The following PDE10A variants were observed in gnomAD, a reference collection of about 807,000 sequenced individuals.
The protein encoded by PDE10A is cAMP and cAMP-inhibited cGMP 3',5'-cyclic phosphodiesterase 10A.
Under a neutral mutation model 97.7 loss-of-function variants are expected in PDE10A, and 39 were observed. The observed-to-expected ratio is 0.40, with a 90% CI of 0.31 to 0.52. The LOEUF is 0.52. Ranked by LOEUF, PDE10A falls within the 20% of genes least tolerant of loss-of-function variation. PDE10A has a pLI of 0.56. For synonymous variants in PDE10A, 371 were observed against 376.8 expected, an observed-to-expected ratio of 0.98 and a Z score of 0.18; for missense variants, 731 against 1,047.8, an observed-to-expected ratio of 0.70 and a Z score of 4.17.
intron 1 of PDE10A, among the ~76,000 whole-genome samples, chr6:165,831,571 G>A (rs1178189203): frequency 2.0e-5 from 3 of 146,512 alleles, no homozygotes; most frequent in South Asian, 4.7e-4. Context: ...TCTGCCTCCC[G>A]GGTTCACGCC....
chr6:165,750,934 G>C (rs1792984212), intron 1 of PDE10A, among the ~76,000 whole-genome samples: 1 of 152,168 alleles, frequency 6.6e-6, no homozygotes, highest in South Asian at 2.1e-4. Context: ...GGCAGGAGCG[G>C]GATGCTGAGA....
chr6:165,499,599 C>T (rs1239342964), intron 2 of PDE10A, among the ~76,000 whole-genome samples: 1 of 152,108 alleles, frequency 6.6e-6, no homozygotes, highest in African/African-American at 2.4e-5. Flanking sequence ...CAGCTTATGG[C>T]AATGATCAAT....
At chr6:165,645,064 C>T (rs1481641365) in intron 1 of PDE10A, among the ~76,000 whole-genome samples, 5 of 152,258 alleles carry the variant, frequency 3.3e-5, no homozygotes, top group African/African-American at 1.2e-4. Context: ...GTTTCTGCCA[C>T]AGCAGTGGTG....
At chr6:165,712,387 C>G (rs755692595) in intron 1 of PDE10A, among the ~76,000 whole-genome samples, 4 of 152,122 alleles carry the variant, frequency 2.6e-5, no homozygotes, top group Admixed American at 6.5e-5. Context: ...CTGTGGGGCT[C>G]GTCTGAGACT....
intron 1 of PDE10A, among the ~76,000 whole-genome samples, chr6:165,785,198 C>T (rs1408172235): frequency 6.6e-6 from 1 of 152,228 alleles, no homozygotes; most frequent in African/African-American, 2.4e-5. Context: ...GTCCTTGCCT[C>T]CTGGTGTTGC....
At chr6:165,596,245 C>T (rs919408913) in intron 1 of PDE10A, among the ~76,000 whole-genome samples, 5 of 152,112 alleles carry the variant, frequency 3.3e-5, no homozygotes, top group Non-Finnish European at 5.9e-5. Flanking sequence ...AAAAAGTATC[C>T]GCAATCCTTT....
intron 1 of PDE10A, among the ~76,000 whole-genome samples, chr6:165,957,990 A>G (rs1355663307): frequency 6.6e-6 from 1 of 152,178 alleles, no homozygotes; most frequent in African/African-American, 2.4e-5. Context: ...AGTGGGTTTG[A>G]TCTCAAGCAT....
intron 1 of PDE10A, among the ~76,000 whole-genome samples, chr6:165,619,865 T>C (rs889269518): frequency 6.6e-6 from 1 of 152,168 alleles, no homozygotes; most frequent in African/African-American, 2.4e-5. Flanking sequence ...GACAAGCTGC[T>C]TCCACTTGCT....
chr6:165,935,545 A>T (rs1052888380), intron 1 of PDE10A, among the ~76,000 whole-genome samples: 1 of 152,226 alleles, frequency 6.6e-6, no homozygotes, highest in Non-Finnish European at 1.5e-5. Flanking sequence ...GCAAGAAATG[A>T]TTCTGGACTA....
chr6:165,878,310 C>A (rs933883575), intron 1 of PDE10A, among the ~76,000 whole-genome samples: 1 of 152,176 alleles, frequency 6.6e-6, no homozygotes, highest in South Asian at 2.1e-4. Flanking sequence ...CATGCATGGT[C>A]ATTAGATTTA....
At chr6:165,752,956 A>T (rs913404794) in intron 1 of PDE10A, among the ~76,000 whole-genome samples, 1 of 151,884 alleles carries the variant, frequency 6.6e-6, no homozygotes, top group Non-Finnish European at 1.5e-5. Flanking sequence ...CTGGTGGGAA[A>T]CTCATTACCA....
chr6:165,693,748 C>G (rs754472391), intron 1 of PDE10A, among the ~76,000 whole-genome samples: 2 of 152,076 alleles, frequency 1.3e-5, no homozygotes, highest in Admixed American at 1.3e-4. Flanking sequence ...CTTCCCATAT[C>G]TTGGCACCAG....
intron 18 of PDE10A, among the ~76,000 whole-genome samples, chr6:165,359,373 T>C (rs1457151554): frequency 6.6e-6 from 1 of 152,180 alleles, no homozygotes; most frequent in Non-Finnish European, 1.5e-5. Flanking sequence ...CTAATGGACA[T>C]AGGATTTGGA....
chr6:165,474,545 G>A (rs1779187582), intron 3 of PDE10A, among the ~76,000 whole-genome samples: 1 of 152,020 alleles, frequency 6.6e-6, no homozygotes. Context: ...CGAGTATTAT[G>A]CTTATTACTG....
At chr6:165,624,160 A>G (rs1204742499) in intron 1 of PDE10A, among the ~76,000 whole-genome samples, 1 of 152,158 alleles carries the variant, frequency 6.6e-6, no homozygotes, top group East Asian at 1.9e-4. Flanking sequence ...CACCTCTCAC[A>G]AGAGTTCCCA....
chr6:165,555,259 TC>T (rs1784197104), intron 1 of PDE10A, among the ~76,000 whole-genome samples: 1 of 152,110 alleles, frequency 6.6e-6, no homozygotes, highest in African/African-American at 2.4e-5. Flanking sequence ...CATGCCTGTA[TC>T]AAAATCTCTC....
At chr6:165,598,437 C>T (rs1434820021) in intron 1 of PDE10A, among the ~76,000 whole-genome samples, 1 of 151,994 alleles carries the variant, frequency 6.6e-6, no homozygotes, top group Non-Finnish European at 1.5e-5. Flanking sequence ...TAAAATTTTC[C>T]AAACTTAAAA....
chr6:165,578,723 AATTT>A (rs1205109809), intron 1 of PDE10A, among the ~76,000 whole-genome samples: 2 of 152,128 alleles, frequency 1.3e-5, no homozygotes, highest in African/African-American at 4.8e-5. Flanking sequence ...CCGTCTCTCC[AATTT>A]ATTTCTACCC....
At chr6:165,745,668 G>A (rs1248171817) in intron 1 of PDE10A, among the ~76,000 whole-genome samples, 1 of 152,122 alleles carries the variant, frequency 6.6e-6, no homozygotes, top group East Asian at 1.9e-4. Flanking sequence ...TGATCTTGAT[G>A]GTACCTTTCT....
Sources: allele counts gnomAD v4.1 joint callset (sites outside exome capture counted in the v4.1 genomes callset), GRCh38; gene constraint gnomAD v4.1.1; transcripts MANE v1.5; gene names NCBI Gene and HGNC (gene_info 2026-07-23, HGNC 2026-07-21).